Variants in DIAPH3 observed in about 807,000 individuals in gnomAD.
The protein encoded by DIAPH3 is protein diaphanous homolog 3.
Under a neutral mutation model 144.3 loss-of-function variants are expected in DIAPH3, and 117 were observed. That is an observed-to-expected ratio of 0.81 (90% CI 0.70 to 0.95). The LOEUF (loss-of-function observed/expected upper bound fraction) is 0.95. DIAPH3 is among the 40% of genes least tolerant of loss of function. The pLI, the probability that DIAPH3 is intolerant of heterozygous loss-of-function variation, is 0.00. For missense variants in DIAPH3, 1,421 were observed against 1,412.7 expected (o/e 1.01, Z -0.09); for synonymous variants, 519 against 488.9 (o/e 1.06, Z -0.81).
At position 59,729,810 on chromosome 13, in the gene DIAPH3, A is replaced by ATTTTTTTTTTTTTTTTTT. The variant is rs59987412; in HGVS notation, c.3319+44361_3319+44378dup. ...TGTGACTTCCGGTGAATACATTAATATTTTTTTTTTTTTTTTTTTGAGATA... is the reference window on the plus strand; with the variant it reads ...TGTGACTTCCGGTGAATACATTAATATTTTTTTTTTTTTTTTTTTTTTTTTTTTTTTTTTTTTGAGATA... On this transcript the variant is annotated intron_variant, in intron 27 of 27. Coordinates refer to ENST00000400324, the MANE Select transcript of DIAPH3 (RefSeq NM_001042517.2). Among the ~76,000 whole-genome samples, 27 of 134,232 alleles carry ATTTTTTTTTTTTTTTTTT rather than the reference A, an allele frequency of 2.0e-4. 1 individual carries two copies. The highest frequency in any genetic ancestry group is 8.0e-4 in the African/African-American group (26 of 32,626). The allele number at this position is 134,232 out of a possible 152,430, so 88.1% of individuals were successfully genotyped here. A position where few individuals can be genotyped will look rare whatever the true frequency, so the allele number is the denominator to read the frequency against.
intron 4 of DIAPH3, among the ~76,000 whole-genome samples, chr13:60,058,843 C>CTATG (rs2056656679): frequency 6.6e-6 from 1 of 151,804 alleles, no homozygotes; most frequent in Non-Finnish European, 1.5e-5. Flanking sequence ...TAAGTTGGAG[C>CTATG]TATGCTATGT....
chr13:59,709,791 C>A (rs1348992808), intron 27 of DIAPH3, among the ~76,000 whole-genome samples: 1 of 152,176 alleles, frequency 6.6e-6, no homozygotes, highest in Non-Finnish European at 1.5e-5. Flanking sequence ...AAGACACATG[C>A]ACGTGTATGT....
At chr13:59,729,341 G>A (rs1732080610) in intron 27 of DIAPH3, among the ~76,000 whole-genome samples, 1 of 152,072 alleles carries the variant, frequency 6.6e-6, no homozygotes, top group Non-Finnish European at 1.5e-5. Flanking sequence ...CTGTGAGCAG[G>A]CACAGAGATA....
At chr13:59,882,804 G>A (rs9598067) in intron 20 of DIAPH3, among the ~76,000 whole-genome samples, 74,334 of 151,926 alleles carry the variant, frequency 0.49, 19,428 homozygotes, top group Admixed American at 0.57. Flanking sequence ...ATAAATTCAC[G>A]AAACCCAAAT....
chr13:60,116,954 T>A (rs1447679554), intron 2 of DIAPH3, among the ~76,000 whole-genome samples: 1 of 151,948 alleles, frequency 6.6e-6, no homozygotes, highest in Non-Finnish European at 1.5e-5. Context: ...ATCCTTAAAG[T>A]GAGGAAACTG....
At position 59,724,835 on chromosome 13, in the gene DIAPH3, T is replaced by C. The variant is rs117542857; in HGVS notation, c.3319+49354A>G. Reference sequence around the variant, plus strand: ...AGTACTTTGTTTACTTTAATTCTTCTATAAGTTCAAAATTTGGCTATATGA... The same window carrying C: ...AGTACTTTGTTTACTTTAATTCTTCCATAAGTTCAAAATTTGGCTATATGA... On this transcript the variant is annotated intron_variant, in intron 27 of 27. Coordinates refer to ENST00000400324, the MANE Select transcript of DIAPH3 (RefSeq NM_001042517.2). Among the ~76,000 whole-genome samples, 70 of 152,330 alleles carry C rather than the reference T, an allele frequency of 4.6e-4. 1 individual carries two copies. The East Asian group carries it at 0.013, about 28-fold the overall frequency.
At chr13:59,982,850 A>G (rs1390579888) in intron 13 of DIAPH3, among the ~76,000 whole-genome samples, 2 of 151,618 alleles carry the variant, frequency 1.3e-5, no homozygotes, top group Non-Finnish European at 3.0e-5. Flanking sequence ...GAACGTTAAC[A>G]GGTCTTTATA....
At chr13:59,730,906 T>C (rs1362555524) in intron 27 of DIAPH3, among the ~76,000 whole-genome samples, 1 of 152,154 alleles carries the variant, frequency 6.6e-6, no homozygotes, top group Non-Finnish European at 1.5e-5. Context: ...GCTGTCAGCA[T>C]ATAATCCCAA....
chr13:59,811,026 T>C (rs1385689456), intron 24 of DIAPH3, 103 bp from the exon 25 acceptor site: 6 of 1,098,058 alleles, frequency 5.5e-6, no homozygotes, highest in East Asian at 4.9e-5. Flanking sequence ...CATGATTATC[T>C]TTTAGATAAT....
intron 27 of DIAPH3, among the ~76,000 whole-genome samples, chr13:59,716,038 A>G (rs1426118856): frequency 2.0e-5 from 3 of 152,336 alleles, no homozygotes; most frequent in African/African-American, 7.2e-5. Context: ...TTAACAGACA[A>G]CTGCAGCTAC....
intron 25 of DIAPH3, among the ~76,000 whole-genome samples, chr13:59,799,585 C>T (rs2039798464): frequency 6.6e-6 from 1 of 152,192 alleles, no homozygotes. Context: ...ATAAAACAAA[C>T]TTGACATATG....
In DIAPH3 at chr13:59,935,559, A is replaced by G. The variant is rs528287731; in HGVS notation, c.2075-10689T>C. ...CAAATGATACAGAATACATAGGAAA[A>G]AAAGTCAAAAAATTTGGAATGTTTT... is the stretch of plus-strand genomic sequence containing the variant. On this transcript the variant is annotated intron_variant, in intron 17 of 27. Coordinates refer to ENST00000400324, the MANE Select transcript of DIAPH3 (RefSeq NM_001042517.2). Among the ~76,000 whole-genome samples, 45 of 152,340 alleles carry G rather than the reference A, an allele frequency of 3.0e-4. 1 individual carries two copies. Among genetic ancestry groups the G allele is most frequent in the Middle Eastern group, 6.8e-3 (2 of 294 alleles).
At chr13:60,034,450 T>C (rs975019121) in intron 5 of DIAPH3, 7 of 152,334 alleles carry the variant, frequency 4.6e-5, no homozygotes, top group South Asian at 2.1e-4. Flanking sequence ...TTTTGTTTTG[T>C]TTTGCTTTGC....
chr13:60,007,990 C>A (rs188854024), intron 9 of DIAPH3, among the ~76,000 whole-genome samples: 1 of 152,228 alleles, frequency 6.6e-6, no homozygotes. Flanking sequence ...ACAGGGAAAT[C>A]TAATAATTCT....
At chr13:59,976,703 C>G (rs1477290955) in intron 14 of DIAPH3, among the ~76,000 whole-genome samples, 2 of 151,628 alleles carry the variant, frequency 1.3e-5, no homozygotes, top group African/African-American at 4.8e-5. Context: ...TCTTTCCTCA[C>G]CCTCCTCCTG....
chr13:59,730,899 G>T (rs1178738773), intron 27 of DIAPH3, among the ~76,000 whole-genome samples: 1 of 152,100 alleles, frequency 6.6e-6, no homozygotes, highest in Non-Finnish European at 1.5e-5. Context: ...TATTATTGCT[G>T]TCAGCATATA....
At chr13:59,994,303 T>A (rs2052045556) in intron 9 of DIAPH3, among the ~76,000 whole-genome samples, 1 of 151,966 alleles carries the variant, frequency 6.6e-6, no homozygotes, top group African/African-American at 2.4e-5. Context: ...ATTGTTTCTT[T>A]ATGGATAAAT....
At chr13:59,943,399 CG>C (rs2048640131) in intron 17 of DIAPH3, among the ~76,000 whole-genome samples, 1 of 152,138 alleles carries the variant, frequency 6.6e-6, no homozygotes, top group Non-Finnish European at 1.5e-5. Context: ...TGGGGAAGGA[CG>C]AACACAGACA....
At chr13:59,853,435 T>C (rs923352215) in intron 22 of DIAPH3, among the ~76,000 whole-genome samples, 4 of 152,130 alleles carry the variant, frequency 2.6e-5, no homozygotes, top group African/African-American at 9.7e-5. Flanking sequence ...AGTTTTCCTC[T>C]TGCTGTTCTC....
Sources: gnomAD v4.1 joint callset for allele counts (sites outside exome capture counted in the v4.1 genomes callset) on GRCh38, gnomAD v4.1.1 for gene constraint, MANE v1.5 for transcripts, NCBI Gene and HGNC (gene_info 2026-07-23, HGNC 2026-07-21) for gene names.